The following CFAP299 variants were observed in gnomAD, a reference collection of about 807,000 sequenced individuals.
CFAP299 encodes the protein cilia and flagella associated protein 299.
A neutral mutation model predicts 27.0 loss-of-function variants in CFAP299; 21 were observed. The observed-to-expected ratio is 0.78, with a 90% CI of 0.55 to 1.12. The LOEUF (loss-of-function observed/expected upper bound fraction) is 1.12. Among genes scored for constraint, CFAP299 ranks in the 50% most tolerant of loss-of-function variants. The pLI is 0.00. For synonymous variants in CFAP299, 104 were observed against 98.1 expected (o/e 1.06, Z -0.36); for missense variants, 310 against 276.6 (o/e 1.12, Z -0.86).
chr4:80,362,157 T>TG (rs1723580488), intron 1 of CFAP299, among the ~76,000 whole-genome samples: 5 of 151,614 alleles, frequency 3.3e-5, no homozygotes, highest in African/African-American at 1.2e-4. Flanking sequence ...TGTGGTGATC[T>TG]GGGTTTCTAC....
intron 3 of CFAP299, among the ~76,000 whole-genome samples, chr4:80,687,749 G>A (rs999790638): frequency 3.3e-5 from 5 of 152,200 alleles, no homozygotes; most frequent in Non-Finnish European, 5.9e-5. Context: ...CAGAAGACAG[G>A]TGATTTCTGC....
In CFAP299 at chr4:80,478,826, G is replaced by A. The variant is rs115769865; in HGVS notation, c.243-104267G>A. On this transcript the variant is annotated intron_variant, in intron 2 of 5. Coordinates refer to ENST00000358105, the MANE Select transcript of CFAP299 (RefSeq NM_152770.3). ...AAGTCGTATTTGGTGTGGGGAGGGA[G>A]GTGGTGTTCATATGATGGGTTCGCA... is the stretch of plus-strand genomic sequence containing the variant. Among the ~76,000 whole-genome samples the A allele has an allele frequency of 8.4e-3, 1,270 of 151,290 alleles. 19 individuals carry two copies. The highest frequency in any genetic ancestry group is 0.029 in the African/African-American group (1,210 of 41,308).
At chr4:80,379,068 C>T (rs567572997) in intron 2 of CFAP299, among the ~76,000 whole-genome samples, 8 of 152,146 alleles carry the variant, frequency 5.3e-5, no homozygotes, top group Middle Eastern at 3.4e-3. Flanking sequence ...CCTTCTACCA[C>T]TGGAGTTTTC....
chr4:80,476,845 T>C (rs189789262), intron 2 of CFAP299, among the ~76,000 whole-genome samples: 116 of 152,230 alleles, frequency 7.6e-4, no homozygotes, highest in African/African-American at 2.5e-3. Flanking sequence ...CACTGTCAGA[T>C]GGCTCTTCCT....
chr4:80,758,645 T>A (rs1383569730), intron 3 of CFAP299, among the ~76,000 whole-genome samples: 1 of 152,166 alleles, frequency 6.6e-6, no homozygotes, highest in Non-Finnish European at 1.5e-5. Context: ...AACATATTTA[T>A]AATAAGAACC....
intron 3 of CFAP299, among the ~76,000 whole-genome samples, chr4:80,806,918 G>T (rs1327021014): frequency 5.3e-5 from 8 of 152,134 alleles, no homozygotes; most frequent in African/African-American, 1.9e-4. Context: ...ACCATTTAAA[G>T]ATGTTAGTTT....
chr4:80,582,930 C>A (rs922758501), intron 2 of CFAP299, among the ~76,000 whole-genome samples, 163 bp from the exon 3 acceptor site: 4 of 151,690 alleles, frequency 2.6e-5, no homozygotes, highest in Non-Finnish European at 4.4e-5. Flanking sequence ...GACTCTATTA[C>A]TATATACAAT....
intron 3 of CFAP299, among the ~76,000 whole-genome samples, chr4:80,629,442 T>C (rs1244720837): frequency 6.6e-6 from 1 of 152,148 alleles, no homozygotes; most frequent in African/African-American, 2.4e-5. Context: ...TGAGAAATGC[T>C]GAGAGAGTAG....
intron 2 of CFAP299, among the ~76,000 whole-genome samples, chr4:80,567,414 G>C (rs1277122312): frequency 6.6e-6 from 1 of 151,938 alleles, no homozygotes; most frequent in African/African-American, 2.4e-5. Context: ...TTTCCATGGA[G>C]ATCACTGTAT....
intron 3 of CFAP299, among the ~76,000 whole-genome samples, chr4:80,735,632 G>C (rs949191920): frequency 2.0e-5 from 3 of 152,000 alleles, no homozygotes; most frequent in Non-Finnish European, 2.9e-5. Flanking sequence ...TTTTTTAAGA[G>C]TTTCTTTCAT....
At chr4:80,624,315 A>G (rs1240171137) in intron 3 of CFAP299, among the ~76,000 whole-genome samples, 1 of 152,162 alleles carries the variant, frequency 6.6e-6, no homozygotes, top group Non-Finnish European at 1.5e-5. Flanking sequence ...ATAAGTAAAA[A>G]GCAAACAAAT....
At chr4:80,346,801 T>G (rs1722753080) in intron 1 of CFAP299, among the ~76,000 whole-genome samples, 3 of 152,202 alleles carry the variant, frequency 2.0e-5, no homozygotes, top group Non-Finnish European at 4.4e-5. Context: ...TTTTTCCAAT[T>G]CTGTGAAGAA....
intron 3 of CFAP299, among the ~76,000 whole-genome samples, chr4:80,641,827 T>C (rs1024114242): frequency 1.3e-5 from 2 of 152,218 alleles, no homozygotes; most frequent in Admixed American, 1.3e-4. Context: ...CAAAGTGGCA[T>C]GTGAGATAAA....
At chr4:80,930,246 G>A (rs1416678058) in intron 4 of CFAP299, among the ~76,000 whole-genome samples, 1 of 152,148 alleles carries the variant, frequency 6.6e-6, no homozygotes, top group African/African-American at 2.4e-5. Flanking sequence ...GAAGTCCCCA[G>A]TAAGGGCTTG....
At chr4:80,545,175 A>C (rs1734167211) in intron 2 of CFAP299, among the ~76,000 whole-genome samples, 1 of 152,208 alleles carries the variant, frequency 6.6e-6, no homozygotes, top group African/African-American at 2.4e-5. Context: ...GCAACATAAA[A>C]GAATCTTTGG....
At chr4:80,394,253 C>T (rs558926186) in intron 2 of CFAP299, among the ~76,000 whole-genome samples, 2 of 152,184 alleles carry the variant, frequency 1.3e-5, no homozygotes, top group East Asian at 3.9e-4. Context: ...TGAAAAATAT[C>T]CATTCAGATC....
chr4:80,472,961 A>G (rs1013476325), intron 2 of CFAP299, among the ~76,000 whole-genome samples: 2 of 152,174 alleles, frequency 1.3e-5, no homozygotes, highest in African/African-American at 4.8e-5. Flanking sequence ...TTGATACTCA[A>G]TTCATTGAAT....
At chr4:80,793,308 T>A (rs570305963) in intron 3 of CFAP299, among the ~76,000 whole-genome samples, 42 of 152,042 alleles carry the variant, frequency 2.8e-4, no homozygotes, top group Non-Finnish European at 5.0e-4. Flanking sequence ...TAGGCCAGTC[T>A]AGCCTTTTCA....
chr4:80,386,118 G>C (rs1473721703), intron 2 of CFAP299: 11 of 477,706 alleles, frequency 2.3e-5, no homozygotes, highest in South Asian at 2.0e-4. Context: ...TCTGCCCCCA[G>C]GGAGCCTGGA....
Sources: gnomAD v4.1 joint callset for allele counts (sites outside exome capture counted in the v4.1 genomes callset) on GRCh38, gnomAD v4.1.1 for gene constraint, MANE v1.5 for transcripts, NCBI Gene and HGNC (gene_info 2026-07-23, HGNC 2026-07-21) for gene names.